The following KDM4C variants were observed in gnomAD, a reference collection of about 807,000 sequenced individuals.
KDM4C encodes the protein lysine-specific demethylase 4C.
KDM4C carries 81 observed loss-of-function variants against 129.3 expected under a neutral mutation model. The ratio of observed to expected loss-of-function variants is 0.63; its 90% CI spans 0.52 to 0.75. The LOEUF (loss-of-function observed/expected upper bound fraction) is 0.75. KDM4C is among the 30% of genes least tolerant of loss of function. The probability of loss-of-function intolerance (pLI) is 0.00; values close to 1 mark genes in which losing one functional copy is unlikely to be tolerated. For missense variants in KDM4C, 1,457 were observed against 1,304.0 expected (o/e 1.12, Z -1.81); for synonymous variants, 573 against 456.1 (o/e 1.26, Z -3.26).
At chr9:6,742,992 C>T (rs1817751811) in intron 1 of KDM4C, among the ~76,000 whole-genome samples, 1 of 152,012 alleles carries the variant, frequency 6.6e-6, no homozygotes, top group Non-Finnish European at 1.5e-5. Flanking sequence ...GCCTGGGTGA[C>T]AGGGCGAGGC....
At chr9:6,824,683 C>T (rs1482788007) in intron 4 of KDM4C, among the ~76,000 whole-genome samples, 1 of 150,534 alleles carries the variant, frequency 6.6e-6, no homozygotes, top group Non-Finnish European at 1.5e-5. Flanking sequence ...ATATTTAATT[C>T]ATTAAAACAG....
At position 6,913,471 on chromosome 9, in the gene KDM4C, C is replaced by T. The variant is rs955053517; in HGVS notation, c.921+20239C>T. Among the ~76,000 whole-genome samples the T allele has an allele frequency of 7.9e-5, 12 of 152,286 alleles. No individual in the cohort carries two copies. In the East Asian group the frequency reaches 2.1e-3, roughly 27 times the overall value. On this transcript the variant is annotated intron_variant, in intron 8 of 21. Transcript: ENST00000381309. Reference sequence around the variant, plus strand: ...GTTTCCTTCTTTAGCTCATACCTTGCGCCAGCTGGTGAAGAATACGTTTCA... The same window carrying T: ...GTTTCCTTCTTTAGCTCATACCTTGTGCCAGCTGGTGAAGAATACGTTTCA...
At chr9:7,122,261 A>ACTCTGTCT (rs747083483) in intron 18 of KDM4C, among the ~76,000 whole-genome samples, 1 of 137,134 alleles carries the variant, frequency 7.3e-6, no homozygotes, top group Non-Finnish European at 1.6e-5. Context: ...ACACACACAC[A>ACTCTGTCT]CACACTCTCT....
At chr9:6,813,002 C>G (rs1322631851) in intron 3 of KDM4C, among the ~76,000 whole-genome samples, 1 of 152,008 alleles carries the variant, frequency 6.6e-6, no homozygotes, top group Non-Finnish European at 1.5e-5. Context: ...ATGGAGAAAC[C>G]CCGTCTCTAC....
Position 6,814,651 on chromosome 9 carries a change from T to G in KDM4C, c.341T>G (p.Leu114Trp). 2.5e-6 allele frequency: 4 copies of G among 1,605,166 alleles called. No homozygotes were observed. Among genetic ancestry groups the G allele is most frequent in the Non-Finnish European group, 2.6e-6 (3 of 1,175,438 alleles). ...NSGKYCTPRY[L>W]DYEDLERKYW... is the part of the protein sequence containing the mutation. ...TACAGATATTGTACTCCAAGATACT[T>G]GGATTACGAAGATTTGGAGCGCAAG... is the stretch of plus-strand genomic sequence containing the variant. The change falls in exon 4 of 22, where the codon TTG becomes TGG. Residue 114 changes from leucine to tryptophan, a missense_variant. Transcript: ENST00000381309.
chr9:7,040,400 T>TGCGC (rs1554712903), intron 15 of KDM4C, among the ~76,000 whole-genome samples: 15 of 143,886 alleles, frequency 1.0e-4, no homozygotes, highest in East Asian at 4.3e-4. Context: ...TGTGTGTGTG[T>TGCGC]GTGTGCGTGT....
intron 17 of KDM4C, among the ~76,000 whole-genome samples, chr9:7,068,286 AC>A (rs1201223938): frequency 6.6e-6 from 1 of 152,176 alleles, no homozygotes; most frequent in East Asian, 1.9e-4. Context: ...CTTTGGTCTT[AC>A]TATAAACCCA....
At chr9:6,917,913 A>G (rs1820617043) in intron 8 of KDM4C, among the ~76,000 whole-genome samples, 1 of 152,124 alleles carries the variant, frequency 6.6e-6, no homozygotes, top group Non-Finnish European at 1.5e-5. Context: ...AGGCATCTCA[A>G]TTCTTCATTC....
chr9:6,949,434 G>A (rs1031198401), intron 8 of KDM4C, among the ~76,000 whole-genome samples: 2 of 152,284 alleles, frequency 1.3e-5, no homozygotes, highest in East Asian at 3.9e-4. Flanking sequence ...CTTCCCAGAC[G>A]GGGTGGCGGC....
chr9:6,834,773 G>A (rs1343770266), intron 4 of KDM4C: 15 of 1,218,070 alleles, frequency 1.2e-5, no homozygotes, highest in Middle Eastern at 1.9e-4. Flanking sequence ...GCTGCTGACC[G>A]AGGCCCCCCT....
intron 8 of KDM4C, among the ~76,000 whole-genome samples, chr9:6,921,163 T>A (rs893558237): frequency 4.6e-5 from 7 of 152,208 alleles, no homozygotes; most frequent in Non-Finnish European, 1.0e-4. Flanking sequence ...CAGGTTTCAT[T>A]TTCTTGTCTA....
At chr9:6,759,844 G>A (rs900971473) in intron 1 of KDM4C, among the ~76,000 whole-genome samples, 2 of 151,374 alleles carry the variant, frequency 1.3e-5, no homozygotes, top group African/African-American at 4.9e-5. Context: ...TCCCAGCTGA[G>A]GCAAGAGAAT....
At chr9:6,982,424 G>A (rs2131825522) in intron 9 of KDM4C, 1 of 152,232 alleles carries the variant, frequency 6.6e-6, no homozygotes, top group South Asian at 2.1e-4. Context: ...TTTAAAATGA[G>A]GTGGTAAAAT....
chr9:7,140,994 T>C (rs1416063929), intron 19 of KDM4C, among the ~76,000 whole-genome samples: 3 of 152,058 alleles, frequency 2.0e-5, no homozygotes. Flanking sequence ...CTGGAGGAGG[T>C]AAATCATGAG....
chr9:6,824,810 A>G (rs1833617839), intron 4 of KDM4C, among the ~76,000 whole-genome samples: 1 of 152,240 alleles, frequency 6.6e-6, no homozygotes, highest in African/African-American at 2.4e-5. Context: ...AGGAAGAGTC[A>G]CATTATTTTA....
intron 18 of KDM4C, among the ~76,000 whole-genome samples, chr9:7,105,969 T>C (rs1236537268): frequency 6.6e-6 from 1 of 152,162 alleles, no homozygotes; most frequent in Non-Finnish European, 1.5e-5. Context: ...ATCATATAAT[T>C]TACAACATCA....
At chr9:7,168,191 G>GA (rs1363109618) in intron 20 of KDM4C, among the ~76,000 whole-genome samples, 9 of 151,428 alleles carry the variant, frequency 5.9e-5, no homozygotes, top group Admixed American at 3.9e-4. Context: ...TCCGTCTCAA[G>GA]AGAAAACCAA....
intron 8 of KDM4C, among the ~76,000 whole-genome samples, chr9:6,945,103 C>T (rs1440225600): frequency 3.3e-5 from 5 of 152,148 alleles, no homozygotes; most frequent in Non-Finnish European, 7.4e-5. Context: ...ACAGACATAC[C>T]TTCCACCTCT....
chr9:6,967,667 T>A lies in KDM4C; in HGVS notation c.922-13258T>A, dbSNP rs57346432. Reference sequence around the variant, plus strand: ...TGCACCTGTATGCCTTCTGTTGCAATCTCTTTTTACTTTCTCTGCCTTATA... The same window carrying A: ...TGCACCTGTATGCCTTCTGTTGCAAACTCTTTTTACTTTCTCTGCCTTATA... On this transcript the variant is annotated intron_variant, in intron 8 of 21. Coordinates refer to ENST00000381309, the MANE Select transcript of KDM4C (RefSeq NM_015061.6). Among the ~76,000 whole-genome samples the A allele has an allele frequency of 3.5e-3, 540 of 152,228 alleles. 7 individuals carry two copies. The highest frequency in any genetic ancestry group is 0.012 in the African/African-American group (512 of 41,540).
Sources: allele counts gnomAD v4.1 joint callset (sites outside exome capture counted in the v4.1 genomes callset), GRCh38; gene constraint gnomAD v4.1.1; transcripts MANE v1.5; gene names NCBI Gene and HGNC (gene_info 2026-07-23, HGNC 2026-07-21).